The following HTR1F variants were observed in gnomAD, a reference collection of about 807,000 sequenced individuals.
HTR1F encodes the protein 5-hydroxytryptamine (serotonin) receptor 1F, G protein-coupled.
In HTR1F, 17 loss-of-function variants were observed where a neutral mutation model predicts 24.0. That is an observed-to-expected ratio of 0.71 (90% CI 0.48 to 1.06). The LOEUF is 1.06. Among genes scored for constraint, HTR1F ranks in the 50% least tolerant of loss-of-function variants. The pLI is 0.00. For missense variants in HTR1F, 391 were observed against 427.8 expected, an observed-to-expected ratio of 0.91 and a Z score of 0.76; for synonymous variants, 186 against 156.8, an observed-to-expected ratio of 1.19 and a Z score of -1.39.
At chr3:87,928,594 T>G (rs1704185183) in intron 2 of HTR1F, among the ~76,000 whole-genome samples, 1 of 152,214 alleles carries the variant, frequency 6.6e-6, no homozygotes, top group African/African-American at 2.4e-5. Context: ...CTATTTGCCA[T>G]GGTGCATACA....
chr3:87,931,179 C>T (rs1704259931), intron 2 of HTR1F, among the ~76,000 whole-genome samples: 1 of 152,038 alleles, frequency 6.6e-6, no homozygotes, highest in Non-Finnish European at 1.5e-5. Context: ...GGTATATCCC[C>T]TAATGCTATC....
intron 2 of HTR1F, among the ~76,000 whole-genome samples, chr3:87,861,584 C>T (rs1202917120): frequency 6.6e-6 from 1 of 152,066 alleles, no homozygotes; most frequent in East Asian, 1.9e-4. Flanking sequence ...TATAGAGTAG[C>T]AATATTTAAC....
At chr3:87,831,359 T>A (rs1259672201) in intron 2 of HTR1F, among the ~76,000 whole-genome samples, 1 of 147,644 alleles carries the variant, frequency 6.8e-6, no homozygotes, top group East Asian at 2.0e-4. Context: ...ATTATTATTA[T>A]TATTATTATT....
chr3:87,930,932 T>C (rs766131703), intron 2 of HTR1F, among the ~76,000 whole-genome samples: 16 of 152,094 alleles, frequency 1.1e-4, no homozygotes, highest in Non-Finnish European at 1.8e-4. Context: ...CAGTTTTTCA[T>C]TCAATAAGTG....
intron 2 of HTR1F, among the ~76,000 whole-genome samples, chr3:87,923,299 C>T (rs1184574301): frequency 6.6e-6 from 1 of 151,720 alleles, no homozygotes; most frequent in Non-Finnish European, 1.5e-5. Flanking sequence ...TTCTGTGAAT[C>T]ATGTTATTGG....
intron 1 of HTR1F, among the ~76,000 whole-genome samples, chr3:87,810,284 T>A (rs1704138824): frequency 6.6e-6 from 1 of 152,144 alleles, no homozygotes; most frequent in Non-Finnish European, 1.5e-5. Flanking sequence ...GAACAAACAG[T>A]CCCAAAAGAA....
At chr3:87,937,300 G>T in intron 2 of HTR1F, among the ~76,000 whole-genome samples, 1 of 152,108 alleles carries the variant, frequency 6.6e-6, no homozygotes, top group Non-Finnish European at 1.5e-5. Context: ...TCCCAGGGAT[G>T]CAAGTTTGGT....
chr3:87,844,356 C>T (rs1252441068), intron 2 of HTR1F, among the ~76,000 whole-genome samples: 20 of 140,600 alleles, frequency 1.4e-4, no homozygotes, highest in Non-Finnish European at 1.5e-5. Context: ...ATGTCCTTTG[C>T]CCACTTTTTG....
chr3:87,954,357 ACT>A (rs1323771407), intron 2 of HTR1F, among the ~76,000 whole-genome samples: 1 of 151,692 alleles, frequency 6.6e-6, no homozygotes, highest in Non-Finnish European at 1.5e-5. Flanking sequence ...AAGACTAGAA[ACT>A]CTAAGAAAAG....
Position 87,992,642 on chromosome 3 carries a change from G to A in HTR1F, c.*792G>A, listed in dbSNP as rs148074777. 1.2e-5 allele frequency: 2 copies of A among 166,886 alleles called. No homozygotes were observed. The highest frequency in any genetic ancestry group is 4.8e-5 in the African/African-American group (2 of 41,384). 10.3% of individuals were successfully genotyped at this position (166,886 alleles called of 1,614,324 possible). ...GTTATAATTGCTCTCTGTTTACTTA[G>A]GAATCAAATTTAAAGCACTAAATAT... is the stretch of plus-strand genomic sequence containing the variant. On this transcript the variant is annotated 3_prime_UTR_variant, in exon 3 of 3. Coordinates refer to ENST00000319595, the MANE Select transcript of HTR1F (RefSeq NM_001322209.2).
chr3:87,905,273 G>T (rs758538626), intron 2 of HTR1F, among the ~76,000 whole-genome samples: 1 of 151,742 alleles, frequency 6.6e-6, no homozygotes, highest in African/African-American at 2.4e-5. Context: ...TCACGCCAGT[G>T]CCACTCTAGC....
At chr3:87,972,255 T>C (rs1269519788) in intron 2 of HTR1F, among the ~76,000 whole-genome samples, 1 of 152,238 alleles carries the variant, frequency 6.6e-6, no homozygotes, top group East Asian at 1.9e-4. Flanking sequence ...CCCATTACCA[T>C]ATACATATAT....
At chr3:87,977,435 G>A (rs1470330556) in intron 2 of HTR1F, among the ~76,000 whole-genome samples, 2 of 112,330 alleles carry the variant, frequency 1.8e-5, no homozygotes, top group East Asian at 2.8e-4. Context: ...GTCTCACTCT[G>A]TCGCCCAGGC....
At chr3:87,805,484 A>G (rs571573462) in intron 1 of HTR1F, among the ~76,000 whole-genome samples, 3 of 152,062 alleles carry the variant, frequency 2.0e-5, no homozygotes, top group Admixed American at 6.6e-5. Flanking sequence ...TGTATTTCAT[A>G]TCTTTTTTTT....
intron 2 of HTR1F, among the ~76,000 whole-genome samples, chr3:87,953,123 T>C (rs1704870029): frequency 6.6e-6 from 1 of 151,616 alleles, no homozygotes; most frequent in African/African-American, 2.4e-5. Context: ...GGGAAAACAT[T>C]TCAGGACATT....
chr3:87,866,703 G>A (rs984510084), intron 2 of HTR1F, among the ~76,000 whole-genome samples: 1 of 151,998 alleles, frequency 6.6e-6, no homozygotes, highest in Non-Finnish European at 1.5e-5. Context: ...AAAATTGGAT[G>A]TTTGTTTTCT....
rs569616112 is a variant in HTR1F at position 87,813,150 on chromosome 3, T to G, written c.-159-8858T>G. On this transcript the variant is annotated intron_variant, in intron 1 of 2. Coordinates refer to ENST00000319595, the MANE Select transcript of HTR1F (RefSeq NM_001322209.2). ...GCAGACCCCAAAATGGTAGAACTACTAACAACTTGCACTGTGTGCCTGGAA... is the reference window on the plus strand; with the variant it reads ...GCAGACCCCAAAATGGTAGAACTACGAACAACTTGCACTGTGTGCCTGGAA... 1.8e-4 allele frequency among the ~76,000 whole-genome samples: 28 copies of G among 152,290 alleles called. No homozygotes were observed. In the East Asian group the frequency reaches 5.0e-3, roughly 27 times the overall value.
At chr3:87,840,677 C>T (rs779141356) in intron 2 of HTR1F, among the ~76,000 whole-genome samples, 1 of 150,020 alleles carries the variant, frequency 6.7e-6, no homozygotes, top group African/African-American at 2.5e-5. Context: ...TTCTCAATAG[C>T]TCAATATTGT....
At chr3:87,930,534 G>A (rs1294126566) in intron 2 of HTR1F, among the ~76,000 whole-genome samples, 13 of 152,158 alleles carry the variant, frequency 8.5e-5, no homozygotes, top group African/African-American at 3.1e-4. Context: ...TGCATCTACT[G>A]AGAGACAATC....
Sources: allele counts gnomAD v4.1 joint callset (sites outside exome capture counted in the v4.1 genomes callset), GRCh38; gene constraint gnomAD v4.1.1; transcripts MANE v1.5; gene names NCBI Gene and HGNC (gene_info 2026-07-23, HGNC 2026-07-21).